Variants in CGNL1 observed in about 807,000 individuals in gnomAD.
CGNL1 encodes the protein cingulin-like protein 1.
CGNL1 carries 132 observed loss-of-function variants against 141.2 expected under a neutral mutation model. The observed-to-expected ratio is 0.93, with a 90% CI of 0.81 to 1.08. The LOEUF (loss-of-function observed/expected upper bound fraction) is 1.08. Ranked by LOEUF, CGNL1 falls within the 50% of genes least tolerant of loss-of-function variation. The pLI is 0.00. For missense variants in CGNL1, 1,870 were observed against 1,588.6 expected, an observed-to-expected ratio of 1.18 and a Z score of -3.01; for synonymous variants, 690 against 622.1, an observed-to-expected ratio of 1.11 and a Z score of -1.63.
intron 4 of CGNL1, among the ~76,000 whole-genome samples, chr15:57,444,170 T>TCTTG (rs754285025): frequency 4.9e-4 from 74 of 152,294 alleles, no homozygotes; most frequent in Admixed American, 8.5e-4. Context: ...GTTTTGCCTT[T>TCTTG]CTTGACTTTT....
intron 1 of CGNL1, among the ~76,000 whole-genome samples, chr15:57,411,489 G>C (rs1353752205): frequency 6.6e-6 from 1 of 150,578 alleles, no homozygotes; most frequent in African/African-American, 2.4e-5. Context: ...TGTCACCCAG[G>C]CTGGAGTGCA....
At chr15:57,518,669 G>T (rs1252357319) in intron 10 of CGNL1, among the ~76,000 whole-genome samples, 172 bp downstream of exon 10, 1 of 152,122 alleles carries the variant, frequency 6.6e-6, no homozygotes, top group African/African-American at 2.4e-5. Flanking sequence ...ATTCTCAACT[G>T]GGGGGGATTT....
chr15:57,394,649 C>T (rs558292705), intron 1 of CGNL1, among the ~76,000 whole-genome samples: 3 of 152,328 alleles, frequency 2.0e-5, no homozygotes, highest in African/African-American at 7.2e-5. Flanking sequence ...ATCAGTGTTA[C>T]AAATGACCTA....
intron 8 of CGNL1, among the ~76,000 whole-genome samples, chr15:57,462,413 A>C (rs1407984023): frequency 1.3e-5 from 2 of 152,116 alleles, no homozygotes; most frequent in African/African-American, 4.8e-5. Flanking sequence ...TTCCAAGATA[A>C]TTTTTCTCTT....
At chr15:57,408,110 T>C (rs1005181145) in intron 1 of CGNL1, among the ~76,000 whole-genome samples, 21 of 152,076 alleles carry the variant, frequency 1.4e-4, no homozygotes, top group Admixed American at 1.2e-3. Context: ...TGCAGTAAGT[T>C]AGGAGTTAAG....
chr15:57,440,422 AC>A lies in CGNL1; in HGVS notation c.1650del (p.Asn551MetfsTer38). ...LKGQQELTQQTNEETAKQILY... is the reference protein window; with the variant it reads ...LKGQQELTQQXNEETAKQILY... ...GGGCCAGCAAGAGCTCACTCAGCAA[AC>A]CAATGAGGAGACAGCTAAGCAGATT... On this transcript the variant is annotated frameshift_variant, in exon 3 of 19. Coordinates refer to ENST00000281282, the MANE Select transcript of CGNL1 (RefSeq NM_032866.5). LOFTEE classifies it high-confidence loss of function. The A allele has an allele frequency of 6.2e-7, 1 of 1,602,936 alleles. No homozygotes were observed. The highest frequency in any genetic ancestry group is 8.5e-7 in the Non-Finnish European group (1 of 1,174,126).
chr15:57,515,150 C>T (rs1046739354), intron 8 of CGNL1, among the ~76,000 whole-genome samples: 2 of 152,172 alleles, frequency 1.3e-5, no homozygotes, highest in African/African-American at 4.8e-5. Flanking sequence ...ATTTTTGTGA[C>T]ATGTCCTCTT....
chr15:57,378,543 G>A (rs1348627206), intron 1 of CGNL1, among the ~76,000 whole-genome samples: 3 of 151,580 alleles, frequency 2.0e-5, no homozygotes, highest in South Asian at 2.1e-4. Flanking sequence ...TACCATGCTC[G>A]GCTACTTTTT....
rs559345182 is a variant in CGNL1, at chr15:57,475,402, G to A, written c.2403+13510G>A. On this transcript the variant is annotated intron_variant, in intron 8 of 18. Coordinates refer to ENST00000281282, the MANE Select transcript of CGNL1 (RefSeq NM_032866.5). ...TTTGCTTTGCAATCCTGACCTGCAAGAAAGGACAGTCCCCACAACAGAGAC... is the reference window on the plus strand; with the variant it reads ...TTTGCTTTGCAATCCTGACCTGCAAAAAAGGACAGTCCCCACAACAGAGAC... 7.9e-5 allele frequency among the ~76,000 whole-genome samples: 12 copies of A among 152,230 alleles called. 1 individual carries two copies. Among genetic ancestry groups the A allele is most frequent in the African/African-American group, 2.4e-4 (10 of 41,560 alleles).
chr15:57,499,418 A>G (rs1226128028), intron 8 of CGNL1, among the ~76,000 whole-genome samples: 2 of 151,838 alleles, frequency 1.3e-5, no homozygotes, highest in African/African-American at 2.4e-5. Context: ...TTGTATTTTT[A>G]GTAGAGGCGG....
chr15:57,542,065 C>T (rs11632464), intron 14 of CGNL1, among the ~76,000 whole-genome samples: 55,440 of 151,980 alleles, frequency 0.36, 10,747 homozygotes, highest in Middle Eastern at 0.48. Flanking sequence ...ACAAGGGGAG[C>T]CAGGGAGCAA....
chr15:57,472,217 A>T (rs1268173004), intron 8 of CGNL1, among the ~76,000 whole-genome samples: 4 of 152,104 alleles, frequency 2.6e-5, no homozygotes, highest in Non-Finnish European at 5.9e-5. Context: ...AAAAATCCAG[A>T]GACTGGTCCA....
At chr15:57,482,651 C>T (rs1266924063) in intron 8 of CGNL1, among the ~76,000 whole-genome samples, 1 of 152,142 alleles carries the variant, frequency 6.6e-6, no homozygotes, top group Non-Finnish European at 1.5e-5. Flanking sequence ...TGTGTCTATC[C>T]CTCTACCAGT....
intron 4 of CGNL1, among the ~76,000 whole-genome samples, chr15:57,449,476 G>A (rs1301820743): frequency 6.6e-6 from 1 of 152,126 alleles, no homozygotes; most frequent in African/African-American, 2.4e-5. Context: ...TTACTGTCCT[G>A]TCCCCACATA....
At chr15:57,541,181 C>T (rs1477583302) in intron 14 of CGNL1, among the ~76,000 whole-genome samples, 1 of 152,240 alleles carries the variant, frequency 6.6e-6, no homozygotes, top group Non-Finnish European at 1.5e-5. Flanking sequence ...AGGTGAGGGA[C>T]AGACAGAGCC....
chr15:57,471,209 A>C (rs1420424730), intron 8 of CGNL1, among the ~76,000 whole-genome samples: 3 of 152,228 alleles, frequency 2.0e-5, no homozygotes, highest in Non-Finnish European at 4.4e-5. Context: ...TTTCCTGGCT[A>C]GGATGACAGA....
At chr15:57,515,366 A>T (rs1284727558) in intron 8 of CGNL1, among the ~76,000 whole-genome samples, 1 of 152,238 alleles carries the variant, frequency 6.6e-6, no homozygotes, top group African/African-American at 2.4e-5. Context: ...TAGGTTCAGG[A>T]TAATAAGCTT....
At chr15:57,380,137 A>G (rs1331026362) in intron 1 of CGNL1, among the ~76,000 whole-genome samples, 2 of 152,132 alleles carry the variant, frequency 1.3e-5, no homozygotes, top group African/African-American at 4.8e-5. Context: ...GGTTAAAGCA[A>G]TCCTCCCTGC....
chr15:57,544,525 G>C lies in CGNL1; in HGVS notation c.3428G>C (p.Ser1143Thr). The C allele has an allele frequency of 1.2e-6, 2 of 1,612,878 alleles. No individual in the cohort carries two copies. Among genetic ancestry groups the C allele is most frequent in the Non-Finnish European group, 1.7e-6 (2 of 1,179,562 alleles). ...IIHLEGSYRS[S>T]KEGLVVQMEA... ...CACCTGGAAGGTTCCTACAGGTCCAGCAAAGAGGGGCTGGTTGTGCAGATG... is the reference window on the plus strand; with the variant it reads ...CACCTGGAAGGTTCCTACAGGTCCACCAAAGAGGGGCTGGTTGTGCAGATG... Residue 1143 changes from serine to threonine, a missense_variant, in exon 16 of 19, where the codon AGC (serine) becomes ACC (threonine). Coordinates refer to ENST00000281282, the MANE Select transcript of CGNL1 (RefSeq NM_032866.5).
Sources: gnomAD v4.1 joint callset for allele counts (sites outside exome capture counted in the v4.1 genomes callset) on GRCh38, gnomAD v4.1.1 for gene constraint, MANE v1.5 for transcripts, NCBI Gene and HGNC (gene_info 2026-07-23, HGNC 2026-07-21) for gene names.